NRG1: variants seen among roughly 807,000 people sequenced by gnomAD.
NRG1 encodes pro-neuregulin-1, membrane-bound isoform.
In NRG1, 18 loss-of-function variants were observed where a neutral mutation model predicts 63.8. The observed-to-expected ratio is 0.28, with a 90% CI of 0.19 to 0.42. NRG1 has a LOEUF of 0.42. NRG1 is among the 10% of genes least tolerant of loss of function. NRG1 has a pLI of 1.00. For missense variants in NRG1, 762 were observed against 814.7 expected (o/e 0.94, Z 0.79); for synonymous variants, 302 against 301.3 (o/e 1.00, Z -0.02).
At chr8:32,729,527 G>C (rs1391776209) in intron 6 of NRG1, among the ~76,000 whole-genome samples, 2 of 152,156 alleles carry the variant, frequency 1.3e-5, no homozygotes, top group African/African-American at 4.8e-5. Context: ...ACTGTTTTCT[G>C]CTAGAATATT....
At chr8:32,626,009 G>C (rs1444513810) in intron 5 of NRG1, among the ~76,000 whole-genome samples, 1 of 151,932 alleles carries the variant, frequency 6.6e-6, no homozygotes, top group Non-Finnish European at 1.5e-5. Flanking sequence ...GGCCAGGCTG[G>C]TCTTGAACTC....
At chr8:32,382,560 C>T (rs1376311981) in intron 1 of NRG1, among the ~76,000 whole-genome samples, 4 of 152,170 alleles carry the variant, frequency 2.6e-5, no homozygotes, top group Admixed American at 6.5e-5. Context: ...TTAAGGTTTG[C>T]AAATCCACTT....
chr8:32,506,720 G>A lies in NRG1; in HGVS notation c.38-89108G>A, dbSNP rs145515023. On this transcript the variant is annotated intron_variant, in intron 1 of 10. Transcript: ENST00000519301. ...CTGCAGAAATCTTGGGGGGTATGTG[G>A]GGGGATCTTTTTGACTGGGCATGGT... 1.8e-3 allele frequency among the ~76,000 whole-genome samples: 278 copies of A among 151,954 alleles called. 3 individuals are homozygous for A. The highest frequency in any genetic ancestry group is 6.4e-3 in the African/African-American group (267 of 41,430).
At chr8:32,704,522 G>T (rs911663140) in intron 5 of NRG1, among the ~76,000 whole-genome samples, 1 of 152,086 alleles carries the variant, frequency 6.6e-6, no homozygotes, top group African/African-American at 2.4e-5. Flanking sequence ...TGGAACAACC[G>T]TAAGATAAAC....
chr8:31,919,098 T>G (rs1405721534), intron 1 of NRG1, among the ~76,000 whole-genome samples: 5 of 152,148 alleles, frequency 3.3e-5, no homozygotes, highest in Admixed American at 2.6e-4. Context: ...TCTCTTTTTT[T>G]CTTTATTAGT....
Position 31,640,784 on chromosome 8 carries a change from G to A in NRG1, c.37+1353G>A. On this transcript the variant is annotated intron_variant, in intron 1 of 10. Transcript: ENST00000519301. This position sits in a 1 kb window ranked among gnomAD's most constrained non-coding sequence, Gnocchi z 6.3. ...CCGCGGCGAGGAGGGCGCATCCCGG[G>A]CGCGCGGGCAGCGGGGCTCGACGGC... 1 of 1,443,846 alleles carries A rather than the reference G, an allele frequency of 6.9e-7. No homozygotes were observed. Among genetic ancestry groups the A allele is most frequent in the South Asian group, 1.5e-5 (1 of 67,394 alleles). The allele number at this position is 1,443,846 out of a possible 1,614,324, so 89.4% of individuals were successfully genotyped here. A position where few individuals can be genotyped will look rare whatever the true frequency, so the allele number is the denominator to read the frequency against.
At chr8:32,168,550 T>C (rs994624527) in intron 1 of NRG1, among the ~76,000 whole-genome samples, 3 of 152,228 alleles carry the variant, frequency 2.0e-5, no homozygotes, top group African/African-American at 7.2e-5. Context: ...CCCTCTGCAA[T>C]GAAAGCCAAA....
chr8:32,755,954 C>T (rs1298472358), intron 8 of NRG1, among the ~76,000 whole-genome samples: 1 of 152,044 alleles, frequency 6.6e-6, no homozygotes, highest in African/African-American at 2.4e-5. Flanking sequence ...GTTGCCCAGG[C>T]TAGTCTCAAA....
intron 1 of NRG1, among the ~76,000 whole-genome samples, chr8:32,429,760 T>C (rs1417735635): frequency 2.0e-5 from 3 of 152,204 alleles, no homozygotes; most frequent in African/African-American, 4.8e-5. Flanking sequence ...ACATCTGTTA[T>C]ATGGTTTACC....
chr8:32,438,703 G>A (rs1336084321), intron 1 of NRG1, among the ~76,000 whole-genome samples: 1 of 152,086 alleles, frequency 6.6e-6, no homozygotes, highest in Admixed American at 6.6e-5. Context: ...ATTTGGTGGT[G>A]TTACTTTTTT....
rs1162893361 is a variant in NRG1 at position 32,762,059 on chromosome 8, A to AAAACAAAC, written c.1259+1654_1259+1655insAACAAACA. 2.0e-3 allele frequency among the ~76,000 whole-genome samples: 302 copies of AAAACAAAC among 148,202 alleles called. 4 individuals carry two copies. Among genetic ancestry groups the AAAACAAAC allele is most frequent in the African/African-American group, 7.5e-3 (286 of 38,328 alleles). On this transcript the variant is annotated intron_variant, in intron 11 of 11. Coordinates refer to ENST00000356819, the Ensembl canonical transcript of NRG1. Reference sequence around the variant, plus strand: ...GCCTCAAAAAAAAAAAAAAAAAAAAAACATTCTGGACTTGCAAGCCTGTTG... The same window carrying AAAACAAAC: ...GCCTCAAAAAAAAAAAAAAAAAAAAAAAACAAACACATTCTGGACTTGCAAGCCTGTTG...
chr8:31,791,464 T>G (rs1419970376), intron 1 of NRG1, among the ~76,000 whole-genome samples: 1 of 152,186 alleles, frequency 6.6e-6, no homozygotes, highest in African/African-American at 2.4e-5. Context: ...AGAATATTCT[T>G]TAAACATATT....
intron 1 of NRG1, among the ~76,000 whole-genome samples, chr8:32,242,950 G>T (rs186482079): frequency 6.6e-6 from 1 of 152,206 alleles, no homozygotes; most frequent in African/African-American, 2.4e-5. Context: ...CAGTTCTGGC[G>T]TCAAAAAGTC....
intron 1 of NRG1, among the ~76,000 whole-genome samples, chr8:32,354,800 T>TA (rs200217923): frequency 0.021 from 2,365 of 113,694 alleles, 52 homozygotes; most frequent in African/African-American, 0.056. Flanking sequence ...CTGCTTTTTT[T>TA]AAAAAAAAAA....
chr8:31,857,579 C>T (rs573181800), intron 1 of NRG1, among the ~76,000 whole-genome samples: 8 of 152,352 alleles, frequency 5.3e-5, no homozygotes, highest in African/African-American at 1.2e-4. Flanking sequence ...TCTTCTGCGT[C>T]GCTCACACTG....
chr8:31,726,148 G>A (rs1813415050), intron 1 of NRG1, among the ~76,000 whole-genome samples: 1 of 151,952 alleles, frequency 6.6e-6, no homozygotes, highest in African/African-American at 2.4e-5. Flanking sequence ...TTAAAAAAAG[G>A]GGAAAAAAGA....
chr8:32,605,476 A>G (rs1360930457), intron 2 of NRG1, 86 bp from the exon 3 acceptor site: 1 of 1,507,016 alleles, frequency 6.6e-7, no homozygotes, highest in Non-Finnish European at 9.1e-7. Context: ...GCAGTTTGAG[A>G]ACTCTGAAAG....
chr8:32,757,030 A>C (rs1829810355), intron 9 of NRG1, among the ~76,000 whole-genome samples: 1 of 152,150 alleles, frequency 6.6e-6, no homozygotes, highest in Non-Finnish European at 1.5e-5. Context: ...GGAAAGGTCA[A>C]GTGACTTATC....
At chr8:32,053,304 G>T (rs115597195) in intron 1 of NRG1, among the ~76,000 whole-genome samples, 1,744 of 152,166 alleles carry the variant, frequency 0.011, 30 homozygotes, top group African/African-American at 0.037. Context: ...ATACCAGGCC[G>T]ATACACGCTT....
Sources: allele counts gnomAD v4.1 joint callset (sites outside exome capture counted in the v4.1 genomes callset), GRCh38; gene constraint gnomAD v4.1.1; non-coding constraint Gnocchi (gnomAD v3.1); transcripts MANE v1.5; gene names NCBI Gene and HGNC (gene_info 2026-07-23, HGNC 2026-07-21).